The following PARP4 variants were observed in gnomAD, a reference collection of about 807,000 sequenced individuals.
PARP4 encodes the protein poly(ADP-ribose) polymerase family member 4, also known as protein mono-ADP-ribosyltransferase PARP4.
A neutral mutation model predicts 187.7 loss-of-function variants in PARP4; 120 were observed. That is an observed-to-expected ratio of 0.64 (90% CI 0.55 to 0.74). The LOEUF (loss-of-function observed/expected upper bound fraction) is 0.74, where lower values mean the gene tolerates loss of function less well. Among genes scored for constraint, PARP4 ranks in the 30% least tolerant of loss-of-function variants. The pLI is 0.00. For synonymous variants in PARP4, 654 were observed against 740.9 expected (o/e 0.88, Z 1.90); for missense variants, 1,836 against 2,070.5 (o/e 0.89, Z 2.20).
chr13:24,429,814 C>G (rs1270924234), intron 32 of PARP4, among the ~76,000 whole-genome samples: 4 of 152,206 alleles, frequency 2.6e-5, no homozygotes, highest in Non-Finnish European at 5.9e-5. Flanking sequence ...GTTCCCTGCT[C>G]TGTGGTTCCC....
intron 22 of PARP4, 94 bp from the exon 23 acceptor site, chr13:24,453,748 T>C (rs1871662207): frequency 2.7e-6 from 2 of 745,426 alleles, no homozygotes; most frequent in Admixed American, 4.0e-5. Flanking sequence ...ATCACGGCTG[T>C]TGTAAAGGAT....
At chr13:24,460,233 C>A in intron 17 of PARP4, 97 bp from the exon 18 acceptor site, 1 of 989,440 alleles carries the variant, frequency 1.0e-6, no homozygotes, top group South Asian at 1.6e-5. Context: ...GAATGACAAC[C>A]TGCCAAATTC....
At chr13:24,427,658 C>T (rs1352422508) in intron 32 of PARP4, among the ~76,000 whole-genome samples, 1 of 152,148 alleles carries the variant, frequency 6.6e-6, no homozygotes, top group Admixed American at 6.5e-5. Flanking sequence ...TCTGCATATA[C>T]ACCATTAATT....
In PARP4 at chr13:24,434,787, CA is replaced by C. The variant is rs1413135039; in HGVS notation, c.4353del (p.Phe1451LeufsTer21). The part of the protein sequence containing the change: ...LPTDPDPIRG[F>X]GSYHPSASSP... ...GAGGAAGCAGAGGGATGATAAGACC[CA>C]AAACCTCTGATGGGATCAGGGTCTG... On this transcript the variant is annotated frameshift_variant, in exon 31 of 34. Transcript: ENST00000381989. LOFTEE classifies it high-confidence loss of function. 1.2e-6 allele frequency: 2 copies of C among 1,612,192 alleles called. No homozygotes were observed. Among genetic ancestry groups the C allele is most frequent in the Non-Finnish European group, 1.7e-6 (2 of 1,179,266 alleles).
At chr13:24,509,920 G>A (rs897336944) in intron 1 of PARP4, among the ~76,000 whole-genome samples, 3 of 151,858 alleles carry the variant, frequency 2.0e-5, no homozygotes, top group Admixed American at 6.6e-5. Context: ...GGCTGGTCTC[G>A]AATTCCTGAG....
In PARP4 at chr13:24,503,171, A is replaced by C. The variant is rs370814849; in HGVS notation, c.132+474T>G. Among the ~76,000 whole-genome samples the C allele has an allele frequency of 3.0e-4, 46 of 152,370 alleles. No individual in the cohort carries two copies. The South Asian group carries it at 9.3e-3, about 31-fold the overall frequency. On this transcript the variant is annotated intron_variant, in intron 2 of 33. Transcript: ENST00000381989. ...AGAAGGTAAATTCCTGCAGCCTTTA[A>C]ATGAACAAAACAAACAGCACAAGCT...
chr13:24,505,482 G>C (rs1869584133), intron 1 of PARP4, among the ~76,000 whole-genome samples: 1 of 152,192 alleles, frequency 6.6e-6, no homozygotes, highest in South Asian at 2.1e-4. Context: ...AGTTTCTTCA[G>C]ATAAGCCTCT....
At chr13:24,470,053 T>C in intron 15 of PARP4, 28 bp from the exon 16 acceptor site, 1 of 1,600,020 alleles carries the variant, frequency 6.2e-7, no homozygotes, top group Non-Finnish European at 8.5e-7. Context: ...TCCATACAAT[T>C]GATGAGACCA....
chr13:24,485,036 T>G (rs1404512008), intron 11 of PARP4, among the ~76,000 whole-genome samples: 1 of 152,254 alleles, frequency 6.6e-6, no homozygotes, highest in East Asian at 1.9e-4. Flanking sequence ...TTTAAGAAGA[T>G]TCTCCCATTT....
intron 25 of PARP4, among the ~76,000 whole-genome samples, chr13:24,449,208 G>GGT (rs1565995716): frequency 1.1e-4 from 17 of 152,042 alleles, no homozygotes; most frequent in Non-Finnish European, 1.5e-4. Context: ...CTAACACAGT[G>GGT]AAACCCCATC....
At chr13:24,446,184 C>A (rs530914538) in intron 27 of PARP4, among the ~76,000 whole-genome samples, 4 of 152,090 alleles carry the variant, frequency 2.6e-5, no homozygotes, top group African/African-American at 9.7e-5. Context: ...TCTTTGAGAA[C>A]CTCTCTAGCA....
rs185979946 is a variant in PARP4, at chr13:24,455,008, C to T, written c.2758+9G>A. 1,444 of 1,564,850 alleles carry T rather than the reference C, an allele frequency of 9.2e-4. 1 individual carries two copies. Among genetic ancestry groups the T allele is most frequent in the Admixed American group, 2.1e-3 (121 of 58,290 alleles). On this transcript the variant is annotated intron_variant, in intron 22 of 33. Coordinates refer to ENST00000381989, the MANE Select transcript of PARP4 (RefSeq NM_006437.4). ...AGCACACGCAGGACCAGGGCCAAAGCGCACTCACCTGTGCCGAACTGGATA... is the reference window on the plus strand; with the variant it reads ...AGCACACGCAGGACCAGGGCCAAAGTGCACTCACCTGTGCCGAACTGGATA...
At chr13:24,468,211 A>C (rs9634403) in intron 17 of PARP4, among the ~76,000 whole-genome samples, 77,299 of 151,878 alleles carry the variant, frequency 0.51, 19,987 homozygotes, top group South Asian at 0.65. Flanking sequence ...GTATTTAAGG[A>C]AAGTAGTCTA....
intron 33 of PARP4, among the ~76,000 whole-genome samples, chr13:24,425,552 T>C (rs1171361555): frequency 9.2e-5 from 5 of 54,172 alleles, no homozygotes; most frequent in Non-Finnish European, 1.7e-4. Context: ...CATGTGTGTG[T>C]GTGTGTGTGT....
intron 17 of PARP4, 46 bp downstream of exon 17, chr13:24,468,978 C>G: frequency 8.1e-7 from 1 of 1,242,148 alleles, no homozygotes; most frequent in South Asian, 1.2e-5. Flanking sequence ...TGTTCTAACT[C>G]TCTTTCCCTC....
Position 24,477,658 on chromosome 13 carries a change from T to A in PARP4, c.1789+43A>T, listed in dbSNP as rs751806057. On this transcript the variant is annotated intron_variant, in intron 14 of 33. Coordinates refer to ENST00000381989, the MANE Select transcript of PARP4 (RefSeq NM_006437.4). ...TTGAAAATATAACATTTGAGGTCTA[T>A]AAATATAATAACATAAAACAGCATT... The A allele has an allele frequency of 2.7e-6, 3 of 1,100,208 alleles. No homozygotes were observed. The South Asian group carries it at 4.2e-5, about 15-fold the overall frequency. 68.2% of individuals were successfully genotyped at this position (1,100,208 alleles called of 1,614,324 possible). A position where few individuals can be genotyped will look rare whatever the true frequency, so the allele number is the denominator to read the frequency against.
At chr13:24,437,245 G>A (rs912464756) in intron 30 of PARP4, among the ~76,000 whole-genome samples, 7 of 151,864 alleles carry the variant, frequency 4.6e-5, no homozygotes, top group African/African-American at 1.5e-4. Context: ...ATGTAAACAT[G>A]AAAACATAAA....
At chr13:24,437,232 T>A (rs190921769) in intron 30 of PARP4, among the ~76,000 whole-genome samples, 50 of 152,194 alleles carry the variant, frequency 3.3e-4, no homozygotes, top group Non-Finnish European at 2.6e-4. Flanking sequence ...GATGAAAAAT[T>A]GAATGTAAAC....
At chr13:24,501,581 G>T in intron 3 of PARP4, 52 bp downstream of exon 3, 2 of 1,238,200 alleles carry the variant, frequency 1.6e-6, no homozygotes, top group Non-Finnish European at 2.4e-6. Flanking sequence ...ACAAACCCAA[G>T]CGTGTACTAT....
Sources: gnomAD v4.1 joint callset for allele counts (sites outside exome capture counted in the v4.1 genomes callset) on GRCh38, gnomAD v4.1.1 for gene constraint, MANE v1.5 for transcripts, NCBI Gene and HGNC (gene_info 2026-07-23, HGNC 2026-07-21) for gene names.